ZNF418: variants seen among roughly 807,000 people sequenced by gnomAD.
The protein encoded by ZNF418 is zinc finger protein 418.
ZNF418 carries 32 observed loss-of-function variants against 32.0 expected under a neutral mutation model. That is an observed-to-expected ratio of 1.00 (90% confidence interval 0.75 to 1.34). The LOEUF is 1.34. Among genes scored for constraint, ZNF418 ranks in the 40% most tolerant of loss-of-function variants. The pLI is 0.00. For synonymous variants in ZNF418, 276 were observed against 270.7 expected (o/e 1.02, Z -0.19); for missense variants, 804 against 812.5 (o/e 0.99, Z 0.13).
chr19:57,928,184 GATGAGGCT>G (rs2072330110), intron 3 of ZNF418, 137 bp from the exon 4 acceptor site: 1 of 721,740 alleles, frequency 1.4e-6, no homozygotes, highest in Non-Finnish European at 2.3e-6. Flanking sequence ...TCACGTGGAA[GATGAGGCT>G]ATCATTACTG....
chr19:57,926,575 T>C lies in ZNF418; in HGVS notation c.1606A>G (p.Arg536Gly), dbSNP rs753328465. 22 of 1,613,998 alleles carry C rather than the reference T, an allele frequency of 1.4e-5. No homozygotes were observed. The highest frequency in any genetic ancestry group is 1.6e-4 in the Middle Eastern group (1 of 6,084). ...LRHRRVHTGE[R>G]PYECGECGKS... The stretch of plus-strand genomic sequence containing the variant: ...CCACATTCTCCACATTCATAAGGCC[T>C]TTCTCCAGTATGAACTCTCCGATGT... The change falls in exon 4 of 6, where the codon AGG becomes GGG. Residue 536 changes from arginine to glycine, a missense_variant. Arg to Gly is a moderately radical substitution (Grantham distance 125, BLOSUM62 -2). Transcript: ENST00000396147.
intron 5 of ZNF418, 27 bp from the exon 6 acceptor site, chr19:57,922,656 C>T (rs945426112): frequency 2.5e-6 from 1 of 398,412 alleles, no homozygotes; most frequent in Admixed American, 4.4e-5. Flanking sequence ...TTCAGTTATA[C>T]ATTTGATACT....
chr19:57,924,446 G>A (rs933079413), intron 4 of ZNF418, among the ~76,000 whole-genome samples: 7 of 152,086 alleles, frequency 4.6e-5, no homozygotes, highest in Admixed American at 3.9e-4. Context: ...TATTTCCTTT[G>A]ACAATGGCCT....
intron 2 of ZNF418, among the ~76,000 whole-genome samples, chr19:57,931,908 A>G (rs1370940131): frequency 6.6e-6 from 1 of 152,150 alleles, no homozygotes; most frequent in African/African-American, 2.4e-5. Flanking sequence ...TTTTCCTTCT[A>G]CTGCTCTGAG....
In ZNF418 at chr19:57,926,879, AG is replaced by A. The variant is rs761593224; in HGVS notation, c.1301del (p.Ser434PhefsTer253). 2 of 1,613,564 alleles carry A rather than the reference AG, an allele frequency of 1.2e-6. No homozygotes were observed. Among genetic ancestry groups the A allele is most frequent in the Non-Finnish European group, 1.7e-6 (2 of 1,179,860 alleles). ...GAATGAGGTTGCCCTTTCGACTAAA[AG>A]ATTTCCCACATTCTCCACACTCGTA... ...RPYECGECGKSFSRKGNLIQH... is the reference protein window; with the variant it reads ...RPYECGECGKXFSRKGNLIQH... On this transcript the variant is annotated frameshift_variant, in exon 4 of 6. Coordinates refer to ENST00000396147, the MANE Select transcript of ZNF418 (RefSeq NM_133460.3). LOFTEE classifies it low-confidence loss of function (END_TRUNC).
In ZNF418 at chr19:57,926,257, T is replaced by G; in HGVS notation, c.1924A>C (p.Thr642Pro). 1 of 1,613,918 alleles carries G rather than the reference T, an allele frequency of 6.2e-7. No homozygotes were observed. Among genetic ancestry groups the G allele is most frequent in the African/African-American group, 1.3e-5 (1 of 75,032 alleles). Residue 642 changes from threonine to proline, a missense_variant, in exon 4 of 6, where the codon ACT becomes CCT. Thr to Pro is a conservative substitution (Grantham distance 38, BLOSUM62 -1). Coordinates refer to ENST00000396147, the MANE Select transcript of ZNF418 (RefSeq NM_133460.3). ...CTGCACTCATAAGGCCTTTCTCCAG[T>G]GTGTACTCTCCTGTGTTCAGTAAGA... is the stretch of plus-strand genomic sequence containing the variant. ...FSLTEHRRVH[T>P]GERPYECSEC...
At chr19:57,928,358 T>C (rs2072337855) in intron 3 of ZNF418, among the ~76,000 whole-genome samples, 1 of 152,090 alleles carries the variant, frequency 6.6e-6, no homozygotes, top group African/African-American at 2.4e-5. Context: ...GCATAATCTC[T>C]GTCTCCTGGG....
chr19:57,925,984 C>A lies in ZNF418; in HGVS notation c.*166G>T. ...AGAAGGCTTTCTCACATTCATCGCA[C>A]TCAAGAGGCCCTTCTGCAGTGGGAG... is the stretch of plus-strand genomic sequence containing the variant. On this transcript the variant is annotated 3_prime_UTR_variant, in exon 4 of 6. Coordinates refer to ENST00000396147, the MANE Select transcript of ZNF418 (RefSeq NM_133460.3). 1 of 607,260 alleles carries A rather than the reference C, an allele frequency of 1.6e-6. No homozygotes were observed. Among genetic ancestry groups the A allele is most frequent in the Non-Finnish European group, 2.9e-6 (1 of 348,618 alleles). The allele number at this position is 607,260 out of a possible 1,614,324, so 37.6% of individuals were successfully genotyped here.
chr19:57,930,519 A>G lies in ZNF418; in HGVS notation c.42T>C (p.Phe14=). 1 of 1,614,110 alleles carries G rather than the reference A, an allele frequency of 6.2e-7. No individual in the cohort carries two copies. The highest frequency in any genetic ancestry group is 8.5e-7 in the Non-Finnish European group (1 of 1,180,012). The change falls in exon 3 of 6, where the codon TTT becomes TTC. Residue 14 remains phenylalanine, a synonymous_variant. Transcript: ENST00000396147. ...TAAGGAGACTCCACTCCTCCTGGGA[A>G]AAGTTCACAGCCACATCTTCAAATG... ...TVAFEDVAVN[F]SQEEWSLLSE...
intron 2 of ZNF418, among the ~76,000 whole-genome samples, chr19:57,933,444 C>T (rs1407533034): frequency 2.0e-5 from 3 of 152,066 alleles, no homozygotes; most frequent in African/African-American, 7.2e-5. Flanking sequence ...CGGGCATGGC[C>T]GGGCTTGGTG....
In ZNF418 at chr19:57,922,294, G is replaced by A. The variant is rs2072025804; in HGVS notation, c.*961C>T. On this transcript the variant is annotated 3_prime_UTR_variant, in exon 6 of 6. Transcript: ENST00000396147. ...GAGATGGGCTTTTATTAACCTCTTT[G>A]TTAGTTTCATCAATCGAGAAGAGAG... is the stretch of plus-strand genomic sequence containing the variant. 1 of 304,198 alleles carries A rather than the reference G, an allele frequency of 3.3e-6. No individual in the cohort carries two copies. The highest frequency in any genetic ancestry group is 6.0e-6 in the Non-Finnish European group (1 of 166,976). The allele number at this position is 304,198 out of a possible 1,614,324, so 18.8% of individuals were successfully genotyped here.
intron 1 of ZNF418, 113 bp from the exon 2 acceptor site, chr19:57,934,015 T>C (rs2072591572): frequency 6.7e-7 from 1 of 1,503,554 alleles, no homozygotes; most frequent in African/African-American, 1.4e-5. Flanking sequence ...TAGTTAACCT[T>C]CAAAGTATGT....
intron 4 of ZNF418, among the ~76,000 whole-genome samples, chr19:57,924,415 G>A (rs1291892040): frequency 6.6e-6 from 1 of 152,108 alleles, no homozygotes. Context: ...AAGGGTACAG[G>A]AATCCACGAA....
In ZNF418 at chr19:57,927,610, C is replaced by A; in HGVS notation, c.571G>T (p.Glu191Ter). The change falls in exon 4 of 6, where the codon GAG becomes TAG. Residue 191 changes from glutamate to a stop codon, truncating the protein, a stop_gained. Coordinates refer to ENST00000396147, the MANE Select transcript of ZNF418 (RefSeq NM_133460.3). LOFTEE classifies it high-confidence loss of function. ...CCCCACTGAAAGGGAGACTCACACT[C>A]AGGTTTGCTGTTTGACTTCTCCCCA... ...HTGEKSNSKP[E>*]CESPFQWGDT... 1.2e-6 allele frequency: 2 copies of A among 1,614,016 alleles called. No individual in the cohort carries two copies. Among genetic ancestry groups the A allele is most frequent in the African/African-American group, 1.3e-5 (1 of 75,048 alleles).
intron 5 of ZNF418, among the ~76,000 whole-genome samples, chr19:57,922,843 A>T (rs1354286565): frequency 6.6e-6 from 1 of 151,954 alleles, no homozygotes; most frequent in East Asian, 1.9e-4. Context: ...CTACAGAAAA[A>T]TTTTAAAAAT....
chr19:57,929,147 A>G (rs1316853770), intron 3 of ZNF418, among the ~76,000 whole-genome samples: 1 of 152,232 alleles, frequency 6.6e-6, no homozygotes, highest in African/African-American at 2.4e-5. Context: ...TCGTTGGGGG[A>G]TGGACATCAG....
At position 57,935,335 on chromosome 19, in the gene ZNF418, C is replaced by T. The variant is rs1027059927; in HGVS notation, c.-255G>A. ...GACCCATAGCTCCAGCGCCTCTCAC[C>T]TCACAAACCGCAGAAACACACCCAA... is the stretch of plus-strand genomic sequence containing the variant. On this transcript the variant is annotated 5_prime_UTR_variant, in exon 1 of 6. Coordinates refer to ENST00000396147, the MANE Select transcript of ZNF418 (RefSeq NM_133460.3). 2 of 683,818 alleles carry T rather than the reference C, an allele frequency of 2.9e-6. No homozygotes were observed. The highest frequency in any genetic ancestry group is 3.9e-5 in the African/African-American group (2 of 51,688). 42.4% of individuals were successfully genotyped at this position (683,818 alleles called of 1,614,324 possible).
Position 57,927,464 on chromosome 19 carries a change from A to G in ZNF418, c.717T>C (p.Phe239=). The G allele has an allele frequency of 1.2e-6, 2 of 1,614,250 alleles. No individual in the cohort carries two copies. Among genetic ancestry groups the G allele is most frequent in the Non-Finnish European group, 1.7e-6 (2 of 1,180,046 alleles). The change falls in exon 4 of 6, where the codon TTT becomes TTC. Residue 239 remains phenylalanine (F), a synonymous_variant. Coordinates refer to ENST00000396147, the MANE Select transcript of ZNF418 (RefSeq NM_133460.3). ...GATTACTGACGCTATCATATTTGCT[A>G]AAGGATTTCCCACATTCCCAGCAAT... ...ECYCWECGKS[F]SKYDSVSNHQ...
In ZNF418 at chr19:57,935,215, C is replaced by T; in HGVS notation, c.-135G>A. 5 of 1,258,410 alleles carry T rather than the reference C, an allele frequency of 4.0e-6. No individual in the cohort carries two copies. The highest frequency in any genetic ancestry group is 3.3e-5 in the Admixed American group (1 of 30,570). The allele number at this position is 1,258,410 out of a possible 1,614,324, so 78.0% of individuals were successfully genotyped here. On this transcript the variant is annotated 5_prime_UTR_variant, in exon 1 of 6. The change creates a new upstream start codon in the 5' untranslated region. Coordinates refer to ENST00000396147, the MANE Select transcript of ZNF418 (RefSeq NM_133460.3). Reference sequence around the variant, plus strand: ...CCATCCCGAGTACGCGGGGAAAGCACTGCCGGGAGCGGCGGGCGCCGTTAC... The same window carrying T: ...CCATCCCGAGTACGCGGGGAAAGCATTGCCGGGAGCGGCGGGCGCCGTTAC...
Sources: gnomAD v4.1 joint callset for allele counts (sites outside exome capture counted in the v4.1 genomes callset) on GRCh38, gnomAD v4.1.1 for gene constraint, MANE v1.5 for transcripts, NCBI Gene and HGNC (gene_info 2026-07-23, HGNC 2026-07-21) for gene names.